Variants in BCAS3 observed in about 807,000 individuals in gnomAD.
BCAS3 encodes BCAS3 microtubule associated cell migration factor.
Under a neutral mutation model 116.1 loss-of-function variants are expected in BCAS3, and 53 were observed. The ratio of observed to expected loss-of-function variants is 0.46; its 90% CI spans 0.37 to 0.57. BCAS3 has a LOEUF of 0.57. Ranked by LOEUF, BCAS3 falls within the 20% of genes least tolerant of loss-of-function variation. The probability of loss-of-function intolerance (pLI) is 0.00; values close to 1 mark genes in which losing one functional copy is unlikely to be tolerated. For missense variants in BCAS3, 917 were observed against 1,165.4 expected (o/e 0.79, Z 3.10); for synonymous variants, 391 against 408.2 (o/e 0.96, Z 0.51).
At chr17:61,060,591 A>T (rs2143296690) in intron 19 of BCAS3, among the ~76,000 whole-genome samples, 1 of 152,324 alleles carries the variant, frequency 6.6e-6, no homozygotes, top group South Asian at 2.1e-4. Flanking sequence ...AAGAGTCAAG[A>T]TGACTCTCTG....
intron 23 of BCAS3, chr17:61,389,699 T>G (rs1048339558): frequency 6.6e-6 from 1 of 152,288 alleles, no homozygotes; most frequent in Non-Finnish European, 1.5e-5. Context: ...AGCAAGGCGC[T>G]CAGGTTGTCC....
intron 14 of BCAS3, among the ~76,000 whole-genome samples, chr17:60,980,835 C>CTTTA (rs1224212476): frequency 1.2e-3 from 185 of 151,864 alleles, no homozygotes; most frequent in African/African-American, 3.7e-3. Flanking sequence ...TGTACCTGAC[C>CTTTA]TTTATTTATT....
chr17:60,698,316 T>C (rs115188572), intron 4 of BCAS3, among the ~76,000 whole-genome samples: 3,019 of 151,168 alleles, frequency 0.02, 105 homozygotes, highest in African/African-American at 0.066. Context: ...AGGAATAATA[T>C]AACATTTCTA....
intron 22 of BCAS3, among the ~76,000 whole-genome samples, chr17:61,176,707 G>A (rs2079172884): frequency 6.6e-6 from 1 of 152,078 alleles, no homozygotes; most frequent in South Asian, 2.1e-4. Context: ...ACAGTCATGT[G>A]CCAACATGTC....
rs1256219228 is a variant in BCAS3 at position 61,343,599 on chromosome 17, T to A, written c.2426-24728T>A. On this transcript the variant is annotated intron_variant, in intron 22 of 23. Coordinates refer to ENST00000407086, the MANE Select transcript of BCAS3 (RefSeq NM_017679.5). This position sits in a 1 kb window ranked among gnomAD's most constrained non-coding sequence, Gnocchi z 5.5. ...TGGAGAAGTACTGGTTGAGGAAGCGTATGCAGAGGTTTGAGCCAAACAACT... is the reference window on the plus strand; with the variant it reads ...TGGAGAAGTACTGGTTGAGGAAGCGAATGCAGAGGTTTGAGCCAAACAACT... 6.6e-6 allele frequency among the ~76,000 whole-genome samples: 1 copy of A among 152,194 alleles called. No homozygotes were observed. The highest frequency in any genetic ancestry group is 1.9e-4 in the East Asian group (1 of 5,196).
chr17:61,334,664 CAAAAAAAAAAA>C (rs35400660), intron 22 of BCAS3, among the ~76,000 whole-genome samples: 5 of 50,892 alleles, frequency 9.8e-5, no homozygotes, highest in Non-Finnish European at 1.5e-4. Flanking sequence ...AACTCCATCT[CAAAAAAAAAAA>C]AAAAAAAAAA....
intron 6 of BCAS3, among the ~76,000 whole-genome samples, chr17:60,748,458 G>GT (rs577502950): frequency 1.3e-5 from 2 of 152,164 alleles, no homozygotes; most frequent in Middle Eastern, 3.4e-3. Flanking sequence ...CTCTTGTTCT[G>GT]TTTTTTGTTG....
At position 61,361,797 on chromosome 17, in the gene BCAS3, G is replaced by A. The variant is rs142719210; in HGVS notation, c.2426-6530G>A. 4.6e-5 allele frequency: 7 copies of A among 152,238 alleles called. No homozygotes were observed. The highest frequency in any genetic ancestry group is 1.2e-4 in the African/African-American group (5 of 41,554). The allele number at this position is 152,238 out of a possible 1,614,324, so 9.4% of individuals were successfully genotyped here. ...CAGGGGAGCTGATGGTGTAAGTCCCGGTCCAAGTTCAAAGGCCTGAGAACC... is the reference window on the plus strand; with the variant it reads ...CAGGGGAGCTGATGGTGTAAGTCCCAGTCCAAGTTCAAAGGCCTGAGAACC... On this transcript the variant is annotated intron_variant, in intron 22 of 23. Coordinates refer to ENST00000407086, the MANE Select transcript of BCAS3 (RefSeq NM_017679.5). This position sits in a 1 kb window ranked among gnomAD's most constrained non-coding sequence, Gnocchi z 6.5.
chr17:60,827,997 T>TG, intron 7 of BCAS3, among the ~76,000 whole-genome samples: 1 of 152,336 alleles, frequency 6.6e-6, no homozygotes, highest in South Asian at 2.1e-4. Flanking sequence ...GGCTTGCAGT[T>TG]TCTCTGTGTA....
chr17:60,820,800 C>G (rs1279255844), intron 7 of BCAS3, among the ~76,000 whole-genome samples: 1 of 152,110 alleles, frequency 6.6e-6, no homozygotes, highest in Non-Finnish European at 1.5e-5. Context: ...TAAGCACTTT[C>G]AAACCAGAGG....
Position 61,380,455 on chromosome 17 carries a change from A to G in BCAS3, c.2594-11522A>G. The G allele has an allele frequency of 1.3e-6, 2 of 1,536,964 alleles. No homozygotes were observed. The highest frequency in any genetic ancestry group is 3.4e-5 in the Admixed American group (2 of 58,106). Reference sequence around the variant, plus strand: ...TGATCTCAGCTCTTCCTGCTCTCTTAAAGGTCCAGTTTGTGATCCGCTTTA... The same window carrying G: ...TGATCTCAGCTCTTCCTGCTCTCTTGAAGGTCCAGTTTGTGATCCGCTTTA... On this transcript the variant is annotated intron_variant, in intron 23 of 23. Coordinates refer to ENST00000407086, the MANE Select transcript of BCAS3 (RefSeq NM_017679.5). The surrounding 1 kb of genome is among the most constrained non-coding windows in gnomAD (Gnocchi z 4.2).
intron 7 of BCAS3, among the ~76,000 whole-genome samples, chr17:60,845,438 A>G (rs999430560): frequency 6.6e-6 from 1 of 152,248 alleles, no homozygotes; most frequent in East Asian, 1.9e-4. Flanking sequence ...TGAGTGTGAT[A>G]TAATAAAACA....
At position 61,337,461 on chromosome 17, in the gene BCAS3, G is replaced by C. The variant is rs1375606196; in HGVS notation, c.2426-30866G>C. ...CAGCTTGCAGCCTCTAGGAGGAGAC[G>C]CTTGGCTTTGCCCACAGCCCTCGGC... On this transcript the variant is annotated intron_variant, in intron 22 of 23. Transcript: ENST00000407086. The surrounding 1 kb of genome is among the most constrained non-coding windows in gnomAD (Gnocchi z 4.8). Among the ~76,000 whole-genome samples, 1 of 152,054 alleles carries C rather than the reference G, an allele frequency of 6.6e-6. No homozygotes were observed. Among genetic ancestry groups the C allele is most frequent in the African/African-American group, 2.4e-5 (1 of 41,340 alleles).
At chr17:60,846,968 C>G (rs901718714) in intron 7 of BCAS3, among the ~76,000 whole-genome samples, 2 of 152,088 alleles carry the variant, frequency 1.3e-5, no homozygotes. Context: ...TTAAACAGTC[C>G]CTCCCCGTTT....
At chr17:60,763,726 G>T (rs1445707676) in intron 6 of BCAS3, among the ~76,000 whole-genome samples, 1 of 152,138 alleles carries the variant, frequency 6.6e-6, no homozygotes, top group Non-Finnish European at 1.5e-5. Flanking sequence ...GAGTTAGGGA[G>T]GGTTCCCTCT....
At chr17:60,709,847 A>G (rs1258286848) in intron 5 of BCAS3, among the ~76,000 whole-genome samples, 1 of 152,252 alleles carries the variant, frequency 6.6e-6, no homozygotes, top group Non-Finnish European at 1.5e-5. Context: ...GACCAAACAT[A>G]AAATGTCCTA....
At chr17:61,351,189 G>C (rs1426844763) in intron 22 of BCAS3, among the ~76,000 whole-genome samples, 1 of 152,156 alleles carries the variant, frequency 6.6e-6, no homozygotes, top group East Asian at 1.9e-4. Flanking sequence ...ATAACTTCAG[G>C]GTGAGCTCAG....
At chr17:60,895,623 G>A (rs1732877189) in intron 10 of BCAS3, among the ~76,000 whole-genome samples, 2 of 151,956 alleles carry the variant, frequency 1.3e-5, no homozygotes, top group South Asian at 4.1e-4. Flanking sequence ...GCTCCTTTGG[G>A]TGCATTGTTA....
intron 6 of BCAS3, among the ~76,000 whole-genome samples, chr17:60,770,631 A>G (rs1263684235): frequency 6.7e-6 from 1 of 149,414 alleles, no homozygotes; most frequent in Non-Finnish European, 1.5e-5. Context: ...GTTGGCCAGG[A>G]TGGTCTCGAT....
Sources: gnomAD v4.1 joint callset for allele counts (sites outside exome capture counted in the v4.1 genomes callset) on GRCh38, gnomAD v4.1.1 for gene constraint, Gnocchi (gnomAD v3.1) non-coding constraint, MANE v1.5 for transcripts, NCBI Gene and HGNC (gene_info 2026-07-23, HGNC 2026-07-21) for gene names.